RASSF4: variants seen among roughly 807,000 people sequenced by gnomAD.
The protein encoded by RASSF4 is ras association domain-containing protein 4.
RASSF4 carries 38 observed loss-of-function variants against 41.1 expected under a neutral mutation model. The ratio of observed to expected loss-of-function variants is 0.92; its 90% CI spans 0.71 to 1.21. RASSF4 has a LOEUF of 1.21. Ranked by LOEUF, RASSF4 falls within the 50% of genes most tolerant of loss-of-function variation. RASSF4 has a pLI of 0.00. For missense variants in RASSF4, 414 were observed against 419.4 expected (o/e 0.99, Z 0.11); for synonymous variants, 179 against 163.4 (o/e 1.10, Z -0.73).
intron 3 of RASSF4, among the ~76,000 whole-genome samples, chr10:44,975,269 G>A (rs1358413933): frequency 6.6e-6 from 1 of 152,146 alleles, no homozygotes; most frequent in Admixed American, 6.5e-5. Context: ...TGAGAGAGTT[G>A]CCCCGTCCCC....
At chr10:44,983,962 T>G in intron 4 of RASSF4, 60 bp from the exon 5 acceptor site, 1 of 1,552,242 alleles carries the variant, frequency 6.4e-7, no homozygotes, top group Non-Finnish European at 8.7e-7. Flanking sequence ...CTCTTCTCCT[T>G]GGCCTGAGCT....
rs781422458 is a variant in RASSF4, at chr10:44,971,826, G to A, written c.116G>A (p.Ser39Asn). The change falls in exon 3 of 11, where the codon AGC becomes AAC. Residue 39 changes from serine to asparagine, a missense_variant. Coordinates refer to ENST00000340258, the MANE Select transcript of RASSF4 (RefSeq NM_032023.4). Reference sequence around the variant, plus strand: ...TACAACTGCTACCATGAGGGCAAGAGCTTCCAGCTGAGACACCGTGAGGTG... The same window carrying A: ...TACAACTGCTACCATGAGGGCAAGAACTTCCAGCTGAGACACCGTGAGGTG... ...KTYNCYHEGK[S>N]FQLRHREEEG... The A allele has an allele frequency of 2.5e-6, 4 of 1,611,894 alleles. No homozygotes were observed. The highest frequency in any genetic ancestry group is 3.4e-6 in the Non-Finnish European group (4 of 1,178,352).
intron 4 of RASSF4, chr10:44,983,790 C>T: frequency 1.6e-6 from 1 of 619,728 alleles, no homozygotes; most frequent in Non-Finnish European, 2.7e-6. Flanking sequence ...CAGCACAAGC[C>T]CTCAGGTCTG....
rs146292935 is a variant in RASSF4 at position 44,990,966 on chromosome 10, A to G, written c.704A>G (p.Asp235Gly). Residue 235 changes from aspartate to glycine, a missense_variant, in exon 9 of 11, where the codon GAC (aspartate) becomes GGC (glycine). Physicochemically the swap from Asp to Gly is moderately conservative, Grantham distance 94. Coordinates refer to ENST00000340258, the MANE Select transcript of RASSF4 (RefSeq NM_032023.4). ...HESGERTKLK[D>G]CEYPLISRIL... ...TTTTCAGAGCGGACAAAATTAAAAG[A>G]CTGCGAGTACCCGCTGATTTCCAGA... 1.2e-4 allele frequency: 200 copies of G among 1,613,216 alleles called. No homozygotes were observed. In the African/African-American group the frequency reaches 2.1e-3, roughly 17 times the overall value.
rs141617472 is a variant in RASSF4, at chr10:44,989,460, G to A, written c.633+85G>A. On this transcript the variant is annotated intron_variant, in intron 7 of 10. Coordinates refer to ENST00000340258, the MANE Select transcript of RASSF4 (RefSeq NM_032023.4). ...GGTGGGGTTCTGGGGAAAGCTGCCC[G>A]TGGCAGAAGCTGCCTGGGCAGAAGG... 8.7e-4 allele frequency: 928 copies of A among 1,071,648 alleles called. 11 individuals carry two copies. The African/African-American group carries it at 0.012, about 14-fold the overall frequency. 66.4% of individuals were successfully genotyped at this position (1,071,648 alleles called of 1,614,324 possible).
intron 6 of RASSF4, among the ~76,000 whole-genome samples, chr10:44,986,153 T>A (rs1451376298): frequency 6.6e-6 from 1 of 152,178 alleles, no homozygotes; most frequent in Admixed American, 6.5e-5. Context: ...TGGGTTTAGG[T>A]ATTTTCCAGT....
chr10:44,977,886 G>A (rs1198186482), intron 3 of RASSF4: 2 of 1,612,494 alleles, frequency 1.2e-6, no homozygotes, highest in Admixed American at 3.3e-5. Flanking sequence ...GAGGTGGGCT[G>A]TGCCAGTCGA....
chr10:44,965,917 T>C (rs1054697015), intron 1 of RASSF4, among the ~76,000 whole-genome samples: 1 of 152,204 alleles, frequency 6.6e-6, no homozygotes, highest in Non-Finnish European at 1.5e-5. Flanking sequence ...ACGTTGGTTG[T>C]GTCCTATAAA....
intron 10 of RASSF4, among the ~76,000 whole-genome samples, chr10:44,992,484 C>A (rs1438082782): frequency 6.6e-6 from 1 of 152,238 alleles, no homozygotes; most frequent in African/African-American, 2.4e-5. Context: ...GTGCAGAGGG[C>A]TAGTTCAATG....
intron 3 of RASSF4, chr10:44,978,235 A>C: frequency 1.8e-6 from 1 of 560,716 alleles, no homozygotes; most frequent in Non-Finnish European, 3.1e-6. Context: ...CAGGTTAAAA[A>C]CCCCAAAGGC....
At chr10:44,974,628 C>CCA (rs1554807971) in intron 3 of RASSF4, among the ~76,000 whole-genome samples, 1 of 151,922 alleles carries the variant, frequency 6.6e-6, no homozygotes, top group East Asian at 1.9e-4. Context: ...AGAGACCCCC[C>CCA]CGTGTTGTCA....
intron 3 of RASSF4, among the ~76,000 whole-genome samples, chr10:44,974,685 G>T (rs1248140538): frequency 2.0e-5 from 3 of 152,126 alleles, no homozygotes; most frequent in African/African-American, 4.8e-5. Flanking sequence ...ACGGTTTGGG[G>T]TGCCTTCTCC....
At position 44,993,419 on chromosome 10, in the gene RASSF4, A is replaced by T. The variant is rs985361154; in HGVS notation, c.*90A>T. 3.2e-5 allele frequency: 32 copies of T among 988,950 alleles called. No individual in the cohort carries two copies. The highest frequency in any genetic ancestry group is 4.9e-5 in the Non-Finnish European group (32 of 652,430). 61.3% of individuals were successfully genotyped at this position (988,950 alleles called of 1,614,324 possible). On this transcript the variant is annotated 3_prime_UTR_variant, in exon 11 of 11. Coordinates refer to ENST00000340258, the MANE Select transcript of RASSF4 (RefSeq NM_032023.4). ...TGGCCCCGGCCGGTCACATTGACTG[A>T]TGGCCACCGCCTGACGAATCGAGTG... is the stretch of plus-strand genomic sequence containing the variant.
At position 44,994,391 on chromosome 10, in the gene RASSF4, A is replaced by T. The variant is rs765013885; in HGVS notation, c.*1062A>T. On this transcript the variant is annotated 3_prime_UTR_variant, in exon 11 of 11. Coordinates refer to ENST00000340258, the MANE Select transcript of RASSF4 (RefSeq NM_032023.4). ...ATTTGTCTAAAACAGAGCAAACTGA[A>T]GACCAAATTATTCTCCTGTTGAGGT... 6.5e-6 allele frequency: 1 copy of T among 152,696 alleles called. No homozygotes were observed. Among genetic ancestry groups the T allele is most frequent in the East Asian group, 1.9e-4 (1 of 5,202 alleles). 9.5% of individuals were successfully genotyped at this position (152,696 alleles called of 1,614,324 possible).
chr10:44,961,409 T>C (rs1197530060), intron 1 of RASSF4, among the ~76,000 whole-genome samples: 1 of 152,214 alleles, frequency 6.6e-6, no homozygotes, highest in African/African-American at 2.4e-5. Context: ...GAGTTCAGAT[T>C]CTGGACGTGC....
chr10:44,980,909 C>A (rs185040566), intron 3 of RASSF4: 1 of 152,348 alleles, frequency 6.6e-6, no homozygotes, highest in Admixed American at 6.5e-5. Flanking sequence ...AGTGACACAT[C>A]TGTGCTTGTA....
rs1278403342 is a variant in RASSF4, at chr10:44,993,426, C to A, written c.*97C>A. On this transcript the variant is annotated 3_prime_UTR_variant, in exon 11 of 11. Coordinates refer to ENST00000340258, the MANE Select transcript of RASSF4 (RefSeq NM_032023.4). ...GGCCGGTCACATTGACTGATGGCCA[C>A]CGCCTGACGAATCGAGTGCCTGTGT... 1 of 898,314 alleles carries A rather than the reference C, an allele frequency of 1.1e-6. No homozygotes were observed. The allele number at this position is 898,314 out of a possible 1,614,324, so 55.6% of individuals were successfully genotyped here. A position where few individuals can be genotyped will look rare whatever the true frequency, so the allele number is the denominator to read the frequency against.
intron 2 of RASSF4, chr10:44,970,714 T>C (rs770015077): frequency 4.1e-4 from 64 of 155,784 alleles, no homozygotes; most frequent in Middle Eastern, 6.8e-3. Context: ...TTTAGTTGGC[T>C]CACGGTTCTG....
intron 1 of RASSF4, among the ~76,000 whole-genome samples, chr10:44,967,155 G>A (rs1341757056): frequency 6.6e-6 from 1 of 152,188 alleles, no homozygotes; most frequent in Non-Finnish European, 1.5e-5. Flanking sequence ...AGTGTGGGTT[G>A]GCAGACAGTT....
Sources: gnomAD v4.1 joint callset for allele counts (sites outside exome capture counted in the v4.1 genomes callset) on GRCh38, gnomAD v4.1.1 for gene constraint, MANE v1.5 for transcripts, NCBI Gene and HGNC (gene_info 2026-07-23, HGNC 2026-07-21) for gene names.